The following CCDC178 variants were observed in gnomAD, a reference collection of about 807,000 sequenced individuals.
The protein encoded by CCDC178 is coiled-coil domain-containing protein 178.
A neutral mutation model predicts 117.4 loss-of-function variants in CCDC178; 126 were observed. The observed-to-expected ratio is 1.07, with a 90% CI of 0.93 to 1.24. CCDC178 has a LOEUF of 1.24. Ranked by LOEUF, CCDC178 falls within the 50% of genes most tolerant of loss-of-function variation. CCDC178 has a pLI of 0.00. For synonymous variants in CCDC178, 283 were observed against 313.4 expected (o/e 0.90, Z 1.02); for missense variants, 1,030 against 986.9 (o/e 1.04, Z -0.59).
intron 21 of CCDC178, among the ~76,000 whole-genome samples, chr18:33,078,803 T>C (rs1034766634): frequency 2.0e-5 from 3 of 152,124 alleles, no homozygotes; most frequent in African/African-American, 7.2e-5. Context: ...TTGGAAAACA[T>C]TACATGCTCA....
At chr18:33,121,033 C>T (rs955647485) in intron 20 of CCDC178, among the ~76,000 whole-genome samples, 3 of 152,076 alleles carry the variant, frequency 2.0e-5, no homozygotes, top group African/African-American at 4.8e-5. Context: ...TGGACTGTGA[C>T]TGATTTTTTG....
At chr18:33,320,617 T>G (rs1434613498) in intron 11 of CCDC178, among the ~76,000 whole-genome samples, 1 of 152,188 alleles carries the variant, frequency 6.6e-6, no homozygotes, top group Non-Finnish European at 1.5e-5. Context: ...GAACATTCCA[T>G]GCTCATGGAT....
intron 20 of CCDC178, among the ~76,000 whole-genome samples, chr18:33,134,704 T>G (rs2058105004): frequency 2.0e-5 from 3 of 152,106 alleles, no homozygotes; most frequent in Admixed American, 2.0e-4. Flanking sequence ...CTTCTAATAT[T>G]TATTAAACAG....
At chr18:33,202,511 C>T (rs1440506725) in intron 20 of CCDC178, among the ~76,000 whole-genome samples, 1 of 151,052 alleles carries the variant, frequency 6.6e-6, no homozygotes, top group African/African-American at 2.4e-5. Context: ...AAAGCTGTTA[C>T]CAGTCAACCA....
At chr18:33,063,617 A>G (rs2056965719) in intron 21 of CCDC178, among the ~76,000 whole-genome samples, 1 of 152,024 alleles carries the variant, frequency 6.6e-6, no homozygotes, top group African/African-American at 2.4e-5. Context: ...CTACCACTAC[A>G]CACGCTGTAC....
At chr18:33,289,084 G>T (rs1260230082) in intron 12 of CCDC178, among the ~76,000 whole-genome samples, 1 of 151,942 alleles carries the variant, frequency 6.6e-6, no homozygotes, top group Non-Finnish European at 1.5e-5. Context: ...TAGTGGGTTG[G>T]TTTTTTTGTT....
intron 11 of CCDC178, among the ~76,000 whole-genome samples, chr18:33,301,163 G>A (rs1285793763): frequency 6.6e-6 from 1 of 152,176 alleles, no homozygotes; most frequent in Non-Finnish European, 1.5e-5. Context: ...CCCCAGGTAT[G>A]GTTTTGGCTG....
intron 12 of CCDC178, among the ~76,000 whole-genome samples, chr18:33,271,255 T>C (rs934594527): frequency 1.8e-4 from 28 of 151,566 alleles, no homozygotes; most frequent in African/African-American, 6.0e-4. Context: ...AGTAATTACA[T>C]TAAATGTAAA....
chr18:33,148,750 T>C (rs1449026748), intron 20 of CCDC178, among the ~76,000 whole-genome samples: 1 of 152,238 alleles, frequency 6.6e-6, no homozygotes, highest in Non-Finnish European at 1.5e-5. Context: ...TAGTATAATA[T>C]GCAGAAACTT....
chr18:33,271,691 A>T (rs929532172), intron 12 of CCDC178, among the ~76,000 whole-genome samples: 22 of 151,568 alleles, frequency 1.5e-4, no homozygotes, highest in Non-Finnish European at 3.1e-4. Flanking sequence ...ATACTGCATG[A>T]CTGAAGTCAT....
chr18:33,062,381 AC>A (rs2056937957), intron 21 of CCDC178, among the ~76,000 whole-genome samples: 2 of 152,196 alleles, frequency 1.3e-5, no homozygotes, highest in Admixed American at 1.3e-4. Flanking sequence ...CACCTTCTCC[AC>A]AGATAAGGAC....
chr18:33,061,579 T>C (rs1201009121), intron 21 of CCDC178, among the ~76,000 whole-genome samples: 2 of 152,124 alleles, frequency 1.3e-5, no homozygotes, highest in African/African-American at 4.8e-5. Flanking sequence ...ACTCTTTAAG[T>C]GGCAAATATT....
chr18:33,058,908 A>G (rs888367323), intron 21 of CCDC178, among the ~76,000 whole-genome samples: 1 of 152,182 alleles, frequency 6.6e-6, no homozygotes, highest in Non-Finnish European at 1.5e-5. Flanking sequence ...AAATGTGATG[A>G]TACACATACA....
intron 21 of CCDC178, among the ~76,000 whole-genome samples, chr18:32,993,482 G>T (rs555988176): frequency 2.5e-3 from 379 of 152,320 alleles, no homozygotes; most frequent in Non-Finnish European, 4.4e-3. Context: ...GGCAAGTGCA[G>T]TACCTCTGCT....
intron 5 of CCDC178, among the ~76,000 whole-genome samples, chr18:33,380,817 C>T: frequency 6.6e-6 from 1 of 152,194 alleles, no homozygotes; most frequent in East Asian, 1.9e-4. Flanking sequence ...CTAAGAGCCT[C>T]TCATCTGCCA....
intron 15 of CCDC178, among the ~76,000 whole-genome samples, chr18:33,230,052 C>A (rs577331989): frequency 5.3e-5 from 8 of 152,242 alleles, no homozygotes; most frequent in African/African-American, 1.9e-4. Flanking sequence ...CTACATTGGG[C>A]AAAATCCTCT....
At chr18:33,055,903 A>C (rs2056822385) in intron 21 of CCDC178, among the ~76,000 whole-genome samples, 1 of 151,706 alleles carries the variant, frequency 6.6e-6, no homozygotes, top group African/African-American at 2.4e-5. Flanking sequence ...CTCTGGGTTC[A>C]AGTGATTCTC....
intron 21 of CCDC178, among the ~76,000 whole-genome samples, chr18:33,035,161 G>A (rs527938997): frequency 2.6e-4 from 40 of 152,060 alleles, no homozygotes; most frequent in African/African-American, 9.6e-4. Flanking sequence ...AAGTTAGGAT[G>A]TTTATAAAGG....
At chr18:33,131,506 A>C (rs1314580155) in intron 20 of CCDC178, among the ~76,000 whole-genome samples, 1 of 151,730 alleles carries the variant, frequency 6.6e-6, no homozygotes, top group East Asian at 1.9e-4. Context: ...ATTTTATTAA[A>C]AGTATCATAT....
Sources: gnomAD v4.1 joint callset for allele counts (sites outside exome capture counted in the v4.1 genomes callset) on GRCh38, gnomAD v4.1.1 for gene constraint, MANE v1.5 for transcripts, NCBI Gene and HGNC (gene_info 2026-07-23, HGNC 2026-07-21) for gene names.